Variants in BTNL8 observed in about 807,000 individuals in gnomAD.
The protein encoded by BTNL8 is butyrophilin like 8, also known as butyrophilin-like protein 8.
BTNL8 carries 22 observed loss-of-function variants against 36.1 expected under a neutral mutation model. That is an observed-to-expected ratio of 0.61 (90% CI 0.44 to 0.87). The LOEUF (loss-of-function observed/expected upper bound fraction) is 0.87. BTNL8 is among the 40% of genes least tolerant of loss of function. BTNL8 has a pLI of 0.00. For missense variants in BTNL8, 526 were observed against 616.9 expected, an observed-to-expected ratio of 0.85 and a Z score of 1.56; for synonymous variants, 203 against 235.6, an observed-to-expected ratio of 0.86 and a Z score of 1.27.
intron 3 of BTNL8, among the ~76,000 whole-genome samples, chr5:180,923,633 T>C (rs893967791): frequency 3.3e-5 from 5 of 152,002 alleles, no homozygotes; most frequent in Non-Finnish European, 5.9e-5. Flanking sequence ...TTCAACAATA[T>C]GCTGGAATAG....
chr5:180,932,347 A>C (rs1383589009), intron 3 of BTNL8, among the ~76,000 whole-genome samples: 1 of 152,140 alleles, frequency 6.6e-6, no homozygotes, highest in Non-Finnish European at 1.5e-5. Flanking sequence ...CCATAACTTT[A>C]AGTATAATTA....
chr5:180,914,648 T>C (rs1028332757), intron 3 of BTNL8, among the ~76,000 whole-genome samples: 1 of 152,218 alleles, frequency 6.6e-6, no homozygotes, highest in Non-Finnish European at 1.5e-5. Flanking sequence ...AATGAAACTA[T>C]ACATACAAAC....
In BTNL8 at chr5:180,911,212, G is replaced by A. The variant is rs140903199; in HGVS notation, c.398-127G>A. The A allele has an allele frequency of 7.3e-5, 104 of 1,420,846 alleles. 1 individual carries two copies. The African/African-American group carries it at 1.1e-3, about 15-fold the overall frequency. The allele number at this position is 1,420,846 out of a possible 1,614,324, so 88.0% of individuals were successfully genotyped here. A position where few individuals can be genotyped will look rare whatever the true frequency, so the allele number is the denominator to read the frequency against. On this transcript the variant is annotated intron_variant, in intron 2 of 7. Coordinates refer to ENST00000340184, the MANE Select transcript of BTNL8 (RefSeq NM_001040462.3). ...CATGGGAAGGCTTTTGCCAAAGGTC[G>A]TGGTTTTAGTGTTTGTGTGTGTAAG...
At chr5:180,901,365 AG>A (rs1348615290) in intron 1 of BTNL8, among the ~76,000 whole-genome samples, 1 of 152,034 alleles carries the variant, frequency 6.6e-6, no homozygotes, top group Non-Finnish European at 1.5e-5. Context: ...TGCCAGTCAA[AG>A]GGGGTGGGTA....
chr5:180,902,206 C>A, intron 1 of BTNL8: 1 of 720,956 alleles, frequency 1.4e-6, no homozygotes, highest in Non-Finnish European at 2.1e-6. Context: ...TTAATTGAAG[C>A]AAATGGGCAG....
At chr5:180,937,592 A>G (rs897863331) in intron 3 of BTNL8, among the ~76,000 whole-genome samples, 7 of 152,204 alleles carry the variant, frequency 4.6e-5, no homozygotes, top group Non-Finnish European at 1.0e-4. Context: ...GCAGAAATAG[A>G]GAGTAGAAAA....
At chr5:180,924,832 G>A (rs527775534) in intron 3 of BTNL8, among the ~76,000 whole-genome samples, 27 of 152,176 alleles carry the variant, frequency 1.8e-4, no homozygotes, top group Non-Finnish European at 3.7e-4. Flanking sequence ...GCAAGTCTAT[G>A]AGACCACTAA....
chr5:180,899,365 A>C lies in BTNL8; in HGVS notation c.49+6A>C. 6.2e-7 allele frequency: 1 copy of C among 1,612,494 alleles called. No homozygotes were observed. Among genetic ancestry groups the C allele is most frequent in the Non-Finnish European group, 8.5e-7 (1 of 1,178,690 alleles). ...TCTCCTCAAGCTGGGATCAGGTAAGACTCATCTTTGTTTCCTCCTTACTAA... is the reference window on the plus strand; with the variant it reads ...TCTCCTCAAGCTGGGATCAGGTAAGCCTCATCTTTGTTTCCTCCTTACTAA... On this transcript the variant is annotated splice_donor_region_variant and intron_variant, in intron 1 of 7. Coordinates refer to ENST00000340184, the MANE Select transcript of BTNL8 (RefSeq NM_001040462.3).
chr5:180,932,570 C>T (rs1033403433), intron 3 of BTNL8, among the ~76,000 whole-genome samples: 4 of 152,052 alleles, frequency 2.6e-5, no homozygotes, highest in Non-Finnish European at 4.4e-5. Context: ...AGGATGGTCT[C>T]GATCTCCTGA....
At chr5:180,936,929 AC>A (rs887816716) in intron 3 of BTNL8, among the ~76,000 whole-genome samples, 1 of 152,158 alleles carries the variant, frequency 6.6e-6, no homozygotes, top group Non-Finnish European at 1.5e-5. Context: ...ATCTGCTCCC[AC>A]CAGAAATACC....
At chr5:180,906,670 C>CA (rs1757100337) in intron 1 of BTNL8, among the ~76,000 whole-genome samples, 1 of 117,162 alleles carries the variant, frequency 8.5e-6, no homozygotes, top group South Asian at 2.3e-4. Flanking sequence ...CCGGTTGTTC[C>CA]TTTCCATGTT....
chr5:180,915,806 G>T (rs6878514), intron 3 of BTNL8, among the ~76,000 whole-genome samples: 68,309 of 152,020 alleles, frequency 0.45, 16,438 homozygotes, highest in African/African-American at 0.63. Flanking sequence ...CTCAATAGAT[G>T]CAGAAAAAGC....
chr5:180,902,376 T>A (rs1020612870), intron 1 of BTNL8: 5 of 1,551,202 alleles, frequency 3.2e-6, no homozygotes. Flanking sequence ...AAGTAACTGA[T>A]GTGGACATGG....
intron 3 of BTNL8, among the ~76,000 whole-genome samples, chr5:180,938,085 C>G (rs182084181): frequency 1.3e-4 from 20 of 151,884 alleles, no homozygotes; most frequent in Middle Eastern, 3.4e-3. Context: ...TGATTCCTTT[C>G]AAATTTATAC....
intron 1 of BTNL8, among the ~76,000 whole-genome samples, chr5:180,900,614 A>G (rs780508970): frequency 2.3e-4 from 35 of 152,222 alleles, no homozygotes; most frequent in Non-Finnish European, 4.4e-4. Flanking sequence ...GGCAGCATCC[A>G]TAGCAGCCCA....
intron 3 of BTNL8, chr5:180,945,749 G>T: frequency 2.0e-6 from 1 of 496,354 alleles, no homozygotes. Flanking sequence ...GCACTCCTGA[G>T]AGCAAGATGG....
rs756910889 is a variant in BTNL8, at chr5:180,908,892, A to G, written c.356A>G (p.Gln119Arg). Residue 119 changes from glutamine to arginine, a missense_variant, in exon 2 of 8, where the codon CAG (glutamine) becomes CGG (arginine). Transcript: ENST00000340184. Reference sequence around the variant, plus strand: ...CTCTATGGGTGCAGGATTAGTTCCCAGTCTTACTACCAGAAGGCCATCTGG... The same window carrying G: ...CTCTATGGGTGCAGGATTAGTTCCCGGTCTTACTACCAGAAGGCCATCTGG... ...AGLYGCRISS[Q>R]SYYQKAIWEL... 5 of 1,614,080 alleles carry G rather than the reference A, an allele frequency of 3.1e-6. No homozygotes were observed. In the South Asian group the frequency reaches 3.3e-5, roughly 11 times the overall value.
chr5:180,949,165 T>C (rs943405802), intron 6 of BTNL8, 74 bp from the exon 7 acceptor site: 2 of 1,425,074 alleles, frequency 1.4e-6, no homozygotes, highest in Non-Finnish European at 9.6e-7. Flanking sequence ...TCCCAATCCT[T>C]GGTCTTTCCC....
chr5:180,950,165 A>G lies in BTNL8; in HGVS notation c.1124A>G (p.His375Arg), dbSNP rs1759486186. The change falls in exon 8 of 8, where the codon CAT becomes CGT. Residue 375 changes from histidine (H) to arginine (R), a missense_variant. His to Arg is a conservative substitution (Grantham distance 29). Around this residue, in one of 2 missense-constraint regions of BTNL8, gnomAD observed 176 missense variants for 292.3 expected, o/e 0.60. Coordinates refer to ENST00000340184, the MANE Select transcript of BTNL8 (RefSeq NM_001040462.3). ...GAGTACGTGACTTTGTCTCCCGATC[A>G]TGGGTACTGGGTCCTCAGACTGAAT... ...RKEYVTLSPDHGYWVLRLNGE... is the reference protein window; with the variant it reads ...RKEYVTLSPDRGYWVLRLNGE... 2.1e-6 allele frequency: 3 copies of G among 1,462,834 alleles called. No individual in the cohort carries two copies. The highest frequency in any genetic ancestry group is 1.9e-5 in the Admixed American group (1 of 53,224). The allele number at this position is 1,462,834 out of a possible 1,614,324, so 90.6% of individuals were successfully genotyped here.
Sources: allele counts gnomAD v4.1 joint callset (sites outside exome capture counted in the v4.1 genomes callset), GRCh38; gene constraint gnomAD v4.1.1; regional missense constraint gnomAD v4.1.1; transcripts MANE v1.5; gene names NCBI Gene and HGNC (gene_info 2026-07-23, HGNC 2026-07-21).